RAD51B: variants seen among roughly 807,000 people sequenced by gnomAD.
The protein encoded by RAD51B is DNA repair protein RAD51 homolog 2.
A neutral mutation model predicts 42.2 loss-of-function variants in RAD51B; 38 were observed. The observed-to-expected ratio is 0.90, with a 90% CI of 0.70 to 1.18. RAD51B has a LOEUF of 1.18. Ranked by LOEUF, RAD51B falls within the 50% of genes most tolerant of loss-of-function variation. The pLI is 0.00. For synonymous variants in RAD51B, 154 were observed against 145.2 expected, an observed-to-expected ratio of 1.06 and a Z score of -0.43; for missense variants, 373 against 400.7, an observed-to-expected ratio of 0.93 and a Z score of 0.59.
intron 7 of RAD51B, among the ~76,000 whole-genome samples, chr14:68,117,119 G>T (rs530062756): frequency 6.6e-6 from 1 of 152,138 alleles, no homozygotes; most frequent in East Asian, 1.9e-4. Flanking sequence ...ATCATAGAGC[G>T]TGCTCCTGCA....
chr14:68,562,997 C>CA, intron 10 of RAD51B: 2 of 985,438 alleles, frequency 2.0e-6, no homozygotes, highest in South Asian at 9.4e-5. Context: ...CCGGTCCCTC[C>CA]AGAGTTCACG....
intron 7 of RAD51B, among the ~76,000 whole-genome samples, chr14:68,160,389 A>G (rs894757112): frequency 6.6e-6 from 1 of 152,188 alleles, no homozygotes; most frequent in Admixed American, 6.5e-5. Context: ...AGAGTTCTTA[A>G]TAGGTTGCCA....
intron 10 of RAD51B, among the ~76,000 whole-genome samples, chr14:68,609,279 G>A (rs1891577704): frequency 6.6e-6 from 1 of 152,176 alleles, no homozygotes; most frequent in African/African-American, 2.4e-5. Flanking sequence ...CCCAGCACAG[G>A]CTGAGTCTGG....
intron 2 of RAD51B, among the ~76,000 whole-genome samples, chr14:67,824,086 G>A (rs1008145623): frequency 1.3e-5 from 2 of 152,138 alleles, no homozygotes; most frequent in Non-Finnish European, 2.9e-5. Context: ...GGTTTTGGTT[G>A]GTTGTTTTTG....
intron 10 of RAD51B, chr14:68,562,346 G>A (rs535285164): frequency 3.0e-6 from 3 of 985,418 alleles, no homozygotes; most frequent in African/African-American, 1.7e-5. Flanking sequence ...GGTGAGACAG[G>A]GAGTTTAAGG....
chr14:68,048,489 TG>T (rs1702933323), intron 7 of RAD51B, among the ~76,000 whole-genome samples: 1 of 152,226 alleles, frequency 6.6e-6, no homozygotes. Context: ...CCATTGCTTT[TG>T]GTGTTTTAGA....
chr14:68,066,374 T>G (rs2076650291), intron 7 of RAD51B, among the ~76,000 whole-genome samples: 1 of 152,218 alleles, frequency 6.6e-6, no homozygotes, highest in Non-Finnish European at 1.5e-5. Context: ...TAAAATTTTT[T>G]TCCTCTAAAG....
chr14:68,452,530 T>C (rs1164435846), intron 9 of RAD51B, among the ~76,000 whole-genome samples: 2 of 152,214 alleles, frequency 1.3e-5, no homozygotes, highest in African/African-American at 4.8e-5. Flanking sequence ...GTTAGAAATA[T>C]GTACAGTTCT....
At chr14:68,451,108 T>A (rs554494281) in intron 9 of RAD51B, among the ~76,000 whole-genome samples, 1 of 152,310 alleles carries the variant, frequency 6.6e-6, no homozygotes, top group African/African-American at 2.4e-5. Flanking sequence ...CTCAGCCTGA[T>A]GGTATGTGTG....
At chr14:68,659,204 A>G (rs991379813) in intron 11 of RAD51B, among the ~76,000 whole-genome samples, 1 of 152,284 alleles carries the variant, frequency 6.6e-6, no homozygotes, top group Middle Eastern at 3.4e-3. Context: ...CAGGAAAAAC[A>G]ATCTCCCCTG....
chr14:68,385,475 C>T (rs1566847878), intron 8 of RAD51B, among the ~76,000 whole-genome samples: 1 of 152,192 alleles, frequency 6.6e-6, no homozygotes, highest in East Asian at 1.9e-4. Flanking sequence ...CTCACATTTT[C>T]TGTGCCTCTC....
At chr14:68,276,894 A>G (rs888439405) in intron 7 of RAD51B, among the ~76,000 whole-genome samples, 11 of 152,206 alleles carry the variant, frequency 7.2e-5, no homozygotes, top group African/African-American at 2.7e-4. Context: ...TGGGCCCTCA[A>G]AGCCCTCCGA....
At chr14:67,998,023 T>C (rs1449385728) in intron 7 of RAD51B, among the ~76,000 whole-genome samples, 1 of 152,238 alleles carries the variant, frequency 6.6e-6, no homozygotes, top group Non-Finnish European at 1.5e-5. Context: ...TGACACTTGT[T>C]AGAGTTTGTC....
intron 7 of RAD51B, among the ~76,000 whole-genome samples, chr14:67,949,961 T>C (rs927105642): frequency 2.6e-5 from 4 of 152,198 alleles, no homozygotes; most frequent in African/African-American, 9.6e-5. Flanking sequence ...AAATATTCAG[T>C]AAACCATGCT....
intron 10 of RAD51B, among the ~76,000 whole-genome samples, chr14:68,552,339 G>A (rs1254842250): frequency 6.6e-6 from 1 of 152,152 alleles, no homozygotes; most frequent in African/African-American, 2.4e-5. Context: ...CCCATATATT[G>A]CAGGGTGTGT....
At position 68,003,027 on chromosome 14, in the gene RAD51B, A is replaced by G. The variant is rs968157674; in HGVS notation, c.756+115823A>G. 2.6e-5 allele frequency among the ~76,000 whole-genome samples: 4 copies of G among 152,170 alleles called. No homozygotes were observed. The East Asian group carries it at 7.7e-4, about 29-fold the overall frequency. Reference sequence around the variant, plus strand: ...GGTATTCAGGCTCTTTTTTGGTTCCATATGAATTTTTAAATAGTGTTTTCT... The same window carrying G: ...GGTATTCAGGCTCTTTTTTGGTTCCGTATGAATTTTTAAATAGTGTTTTCT... On this transcript the variant is annotated intron_variant, in intron 7 of 10. Coordinates refer to ENST00000471583, the MANE Select transcript of RAD51B (RefSeq NM_133510.4).
chr14:67,871,651 C>A (rs1304562272), intron 5 of RAD51B, among the ~76,000 whole-genome samples: 1 of 151,022 alleles, frequency 6.6e-6, no homozygotes, highest in Non-Finnish European at 1.5e-5. Flanking sequence ...GAATTTTAGA[C>A]CAATATCCTT....
chr14:68,331,831 G>A lies in RAD51B; in HGVS notation c.853+39851G>A, dbSNP rs147286125. ...TTTCTATATTTGTAGTTTTCAAGTT[G>A]CAGGGAAAAACTGGGAAGGGAGAAG... is the stretch of plus-strand genomic sequence containing the variant. On this transcript the variant is annotated intron_variant, in intron 8 of 10. Transcript: ENST00000471583. Among the ~76,000 whole-genome samples the A allele has an allele frequency of 2.7e-3, 411 of 152,300 alleles. 2 individuals carry two copies. The highest frequency in any genetic ancestry group is 9.5e-3 in the African/African-American group (396 of 41,570).
At chr14:68,457,119 G>A (rs1594865901) in intron 9 of RAD51B, among the ~76,000 whole-genome samples, 1 of 151,716 alleles carries the variant, frequency 6.6e-6, no homozygotes, top group Admixed American at 6.6e-5. Flanking sequence ...TGCCATGTTG[G>A]TCAGGGTGGT....
Sources: gnomAD v4.1 joint callset for allele counts (sites outside exome capture counted in the v4.1 genomes callset) on GRCh38, gnomAD v4.1.1 for gene constraint, MANE v1.5 for transcripts, NCBI Gene and HGNC (gene_info 2026-07-23, HGNC 2026-07-21) for gene names.